Variants in FAM81B observed in about 807,000 individuals in gnomAD.
The protein encoded by FAM81B is protein FAM81B.
A neutral mutation model predicts 58.7 loss-of-function variants in FAM81B; 60 were observed. That is an observed-to-expected ratio of 1.02 (90% CI 0.83 to 1.27). The LOEUF is 1.27. Ranked by LOEUF, FAM81B falls within the 50% of genes most tolerant of loss-of-function variation. The pLI is 0.00. For synonymous variants in FAM81B, 189 were observed against 179.6 expected (o/e 1.05, Z -0.42); for missense variants, 491 against 522.0 (o/e 0.94, Z 0.58).
intron 4 of FAM81B, among the ~76,000 whole-genome samples, chr5:95,414,643 G>A (rs1391000232): frequency 1.3e-5 from 2 of 152,146 alleles, no homozygotes; most frequent in Non-Finnish European, 2.9e-5. Context: ...CCTCCCAGCT[G>A]TTCCTAGGAC....
At chr5:95,397,158 T>G (rs1283927246) in intron 3 of FAM81B, 1 of 152,208 alleles carries the variant, frequency 6.6e-6, no homozygotes, top group Non-Finnish European at 1.5e-5. Flanking sequence ...CCTTGGCCAG[T>G]TAAATTTAAT....
At chr5:95,425,903 T>C (rs894039678) in intron 5 of FAM81B, among the ~76,000 whole-genome samples, 1 of 151,588 alleles carries the variant, frequency 6.6e-6, no homozygotes, top group African/African-American at 2.4e-5. Context: ...TATGATAGCT[T>C]TTTATAGATT....
At chr5:95,423,320 C>T (rs1257616263) in intron 5 of FAM81B, among the ~76,000 whole-genome samples, 1 of 152,074 alleles carries the variant, frequency 6.6e-6, no homozygotes, top group Non-Finnish European at 1.5e-5. Flanking sequence ...TGCCAGCCTG[C>T]TTTTGATACC....
At chr5:95,420,515 A>C in intron 5 of FAM81B, 113 bp downstream of exon 5, 1 of 1,399,990 alleles carries the variant, frequency 7.1e-7, no homozygotes, top group Admixed American at 2.1e-5. Context: ...CATTAAGCTA[A>C]ACTAATGAGA....
At chr5:95,400,439 C>CATACATACGT (rs1554042703) in intron 3 of FAM81B, among the ~76,000 whole-genome samples, 3 of 151,636 alleles carry the variant, frequency 2.0e-5, no homozygotes, top group Non-Finnish European at 2.9e-5. Flanking sequence ...TACATACACA[C>CATACATACGT]ACACACACAC....
At chr5:95,443,793 G>A (rs1019476921) in intron 7 of FAM81B, among the ~76,000 whole-genome samples, 1 of 152,192 alleles carries the variant, frequency 6.6e-6, no homozygotes, top group Non-Finnish European at 1.5e-5. Context: ...AGCAAATCTT[G>A]TAATAAAAGG....
chr5:95,427,315 C>T (rs1762872388), intron 5 of FAM81B, among the ~76,000 whole-genome samples: 1 of 152,148 alleles, frequency 6.6e-6, no homozygotes, highest in African/African-American at 2.4e-5. Context: ...GCCATTCTGA[C>T]AATGACAGTT....
intron 7 of FAM81B, among the ~76,000 whole-genome samples, chr5:95,445,124 C>A (rs1745505049): frequency 6.6e-6 from 1 of 152,098 alleles, no homozygotes; most frequent in Admixed American, 6.5e-5. Flanking sequence ...TTCCAAAGAG[C>A]AAGAGAGGCA....
chr5:95,448,619 G>T, intron 9 of FAM81B, 155 bp downstream of exon 9: 1 of 691,724 alleles, frequency 1.4e-6, no homozygotes, highest in Non-Finnish European at 2.4e-6. Context: ...TAGAATATGA[G>T]TATTATACTG....
intron 2 of FAM81B, among the ~76,000 whole-genome samples, chr5:95,394,182 AGT>A (rs1329634985): frequency 2.6e-5 from 4 of 152,278 alleles, no homozygotes; most frequent in Non-Finnish European, 4.4e-5. Flanking sequence ...TCACTTAAAT[AGT>A]GTGTGTTGTA....
At chr5:95,398,382 G>A (rs977347870) in intron 3 of FAM81B, among the ~76,000 whole-genome samples, 13 of 151,856 alleles carry the variant, frequency 8.6e-5, no homozygotes, top group Non-Finnish European at 4.4e-5. Flanking sequence ...GTGTACCACT[G>A]CACTCCTGCC....
chr5:95,441,567 C>CTAAA (rs1057242144), intron 7 of FAM81B, among the ~76,000 whole-genome samples: 19 of 150,804 alleles, frequency 1.3e-4, no homozygotes, highest in Admixed American at 4.6e-4. Context: ...GACTCTGTAT[C>CTAAA]TAAATAAATA....
chr5:95,422,307 TATAA>T (rs1561302578), intron 5 of FAM81B, among the ~76,000 whole-genome samples: 2 of 149,286 alleles, frequency 1.3e-5, no homozygotes, highest in Admixed American at 6.7e-5. Context: ...TATATTAATA[TATAA>T]ATAAATAATA....
chr5:95,440,632 T>G, intron 7 of FAM81B: 1 of 806,894 alleles, frequency 1.2e-6, no homozygotes, highest in Admixed American at 2.3e-5. Context: ...ATAGTAGCTG[T>G]TCAGACAATT....
In FAM81B at chr5:95,391,398, A is replaced by G. The variant is rs1449308076; in HGVS notation, c.9A>G (p.Leu3=). 1.2e-6 allele frequency: 2 copies of G among 1,613,128 alleles called. No individual in the cohort carries two copies. Among genetic ancestry groups the G allele is most frequent in the Middle Eastern group, 1.7e-4 (1 of 6,056 alleles). Residue 3 remains leucine, a synonymous_variant, in exon 1 of 10, where the codon TTA becomes TTG. Coordinates refer to ENST00000283357, the MANE Select transcript of FAM81B (RefSeq NM_152548.3). The part of the protein sequence containing the change: MQ[L]QFLGTLASSE... ...GGAAGACCTTAGTTAGGATGCAATT[A>G]CAATTCCTTGGTACATTGGCTTCCT...
intron 5 of FAM81B, among the ~76,000 whole-genome samples, chr5:95,422,486 G>C (rs1288040840): frequency 6.6e-6 from 1 of 152,004 alleles, no homozygotes; most frequent in Non-Finnish European, 1.5e-5. Flanking sequence ...TGGTTTCTTT[G>C]TTTGTTTCTT....
In FAM81B at chr5:95,446,584, CTG is replaced by C; in HGVS notation, c.918_919del (p.Tyr307ArgfsTer4). On this transcript the variant is annotated frameshift_variant, in exon 8 of 10. Transcript: ENST00000283357. LOFTEE classifies it high-confidence loss of function. ...TAGATTTCATTCACTTTCAAGTAAT[CTG>C]TACGAAGAAGTTGAGAATAATAAAA... ...EFKFHSLSSNLYEEVENNKKW... is the reference protein window; with the variant it reads ...EFKFHSLSSNXYEEVENNKKW... 1 of 1,603,148 alleles carries C rather than the reference CTG, an allele frequency of 6.2e-7. No individual in the cohort carries two copies. Among genetic ancestry groups the C allele is most frequent in the Non-Finnish European group, 8.5e-7 (1 of 1,176,208 alleles).
intron 6 of FAM81B, 142 bp from the exon 7 acceptor site, chr5:95,436,658 T>C: frequency 1.5e-6 from 1 of 669,982 alleles, no homozygotes; most frequent in Non-Finnish European, 2.7e-6. Flanking sequence ...GCAATCATGC[T>C]TTAGGTTCAA....
chr5:95,392,356 G>C (rs1322920662), intron 1 of FAM81B, among the ~76,000 whole-genome samples: 3 of 152,136 alleles, frequency 2.0e-5, no homozygotes, highest in African/African-American at 7.2e-5. Context: ...CCTGTTGGGG[G>C]TTGGGGGCTA....
Sources: gnomAD v4.1 joint callset for allele counts (sites outside exome capture counted in the v4.1 genomes callset) on GRCh38, gnomAD v4.1.1 for gene constraint, MANE v1.5 for transcripts, NCBI Gene and HGNC (gene_info 2026-07-23, HGNC 2026-07-21) for gene names.